Variants in PTPN1 observed in about 807,000 individuals in gnomAD.
The protein encoded by PTPN1 is protein tyrosine phosphatase non-receptor type 1.
In PTPN1, 12 loss-of-function variants were observed where a neutral mutation model predicts 59.9. The ratio of observed to expected loss-of-function variants is 0.20; its 90% CI spans 0.13 to 0.32. The LOEUF (loss-of-function observed/expected upper bound fraction) is 0.32. Among genes scored for constraint, PTPN1 ranks in the 10% least tolerant of loss-of-function variants. The pLI, the probability that PTPN1 is intolerant of heterozygous loss-of-function variation, is 1.00. For synonymous variants in PTPN1, 178 were observed against 203.6 expected (o/e 0.87, Z 1.07); for missense variants, 356 against 549.2 (o/e 0.65, Z 3.52).
At chr20:50,522,234 C>G (rs1233490736) in intron 1 of PTPN1, among the ~76,000 whole-genome samples, 1 of 152,120 alleles carries the variant, frequency 6.6e-6, no homozygotes, top group Non-Finnish European at 1.5e-5. Context: ...TTTCCCACCT[C>G]AGGCAACTGA....
chr20:50,558,992 A>G (rs2082738540), intron 1 of PTPN1, among the ~76,000 whole-genome samples: 3 of 150,008 alleles, frequency 2.0e-5, no homozygotes, highest in African/African-American at 4.9e-5. Flanking sequence ...AAGGGGGAGC[A>G]TGGATGATAA....
At chr20:50,547,622 A>T (rs2082681588) in intron 1 of PTPN1, among the ~76,000 whole-genome samples, 1 of 152,178 alleles carries the variant, frequency 6.6e-6, no homozygotes, top group South Asian at 2.1e-4. Flanking sequence ...TCGGCCTCCC[A>T]AAGTGCTGGG....
Position 50,568,420 on chromosome 20 carries a change from T to A in PTPN1, c.296T>A (p.Val99Glu). ...PNTCGHFWEM[V>E]WEQKSRGVVM... The stretch of plus-strand genomic sequence containing the variant: ...ACATGCGGTCACTTTTGGGAGATGG[T>A]GTGGGAGCAGAAAAGCAGGGGTGTC... The change falls in exon 4 of 10, where the codon GTG (valine) becomes GAG (glutamate). Residue 99 changes from valine to glutamate, a missense_variant. This residue lies in a region of PTPN1 where 194 missense variants were observed against 344.2 expected (regional missense o/e 0.56). Coordinates refer to ENST00000371621, the MANE Select transcript of PTPN1 (RefSeq NM_002827.4). The surrounding 1 kb of genome is among the most constrained non-coding windows in gnomAD (Gnocchi z 5.6). 1 of 1,614,114 alleles carries A rather than the reference T, an allele frequency of 6.2e-7. No homozygotes were observed. The highest frequency in any genetic ancestry group is 8.5e-7 in the Non-Finnish European group (1 of 1,179,984).
chr20:50,571,941 A>T (rs563752688), intron 4 of PTPN1: 1 of 152,356 alleles, frequency 6.6e-6, no homozygotes, highest in African/African-American at 2.4e-5. Flanking sequence ...TGCATTTTGT[A>T]TCACAGGGTC....
Position 50,568,194 on chromosome 20 carries a change from A to G in PTPN1, c.256-186A>G, listed in dbSNP as rs887884263. On this transcript the variant is annotated intron_variant, in intron 3 of 9. Coordinates refer to ENST00000371621, the MANE Select transcript of PTPN1 (RefSeq NM_002827.4). This position sits in a 1 kb window ranked among gnomAD's most constrained non-coding sequence, Gnocchi z 5.6. Reference sequence around the variant, plus strand: ...CGGAAATCGCCTTTCGCTGCCTGGTAGAAAATGGAGCTGCAGTTACTGACC... The same window carrying G: ...CGGAAATCGCCTTTCGCTGCCTGGTGGAAAATGGAGCTGCAGTTACTGACC... Among the ~76,000 whole-genome samples the G allele has an allele frequency of 6.6e-6, 1 of 152,248 alleles. No individual in the cohort carries two copies. Among genetic ancestry groups the G allele is most frequent in the African/African-American group, 2.4e-5 (1 of 41,458 alleles).
intron 1 of PTPN1, among the ~76,000 whole-genome samples, chr20:50,527,972 A>G (rs1297070852): frequency 1.3e-5 from 2 of 152,150 alleles, no homozygotes; most frequent in Non-Finnish European, 2.9e-5. Context: ...AGGATGTAGC[A>G]TCGGCCCTTG....
chr20:50,563,878 GA>G lies in PTPN1; in HGVS notation c.155-1082del, dbSNP rs1324102567. Among the ~76,000 whole-genome samples, 14 of 150,580 alleles carry G rather than the reference GA, an allele frequency of 9.3e-5. No individual in the cohort carries two copies. In the East Asian group the frequency reaches 2.3e-3, roughly 25 times the overall value. On this transcript the variant is annotated intron_variant, in intron 2 of 9. Transcript: ENST00000371621. ...CTTTTGTGACAAACAAATGATACAA[GA>G]AAAAAAAAGTGGCTTTTTAATTTTA...
chr20:50,530,603 C>T (rs1324955637), intron 1 of PTPN1, among the ~76,000 whole-genome samples: 1 of 151,646 alleles, frequency 6.6e-6, no homozygotes, highest in African/African-American at 2.4e-5. Context: ...GTGATCCACC[C>T]TCCTCGGCCT....
intron 2 of PTPN1, among the ~76,000 whole-genome samples, chr20:50,561,921 G>T (rs936313936): frequency 6.6e-6 from 1 of 152,012 alleles, no homozygotes. Flanking sequence ...CTCCACCCCC[G>T]CCAACCTCAT....
At position 50,574,397 on chromosome 20, in the gene PTPN1, A is replaced by G. The variant is rs1042129124; in HGVS notation, c.355-120A>G. The G allele has an allele frequency of 7.6e-6, 8 of 1,051,152 alleles. No homozygotes were observed. The South Asian group carries it at 1.1e-4, about 14-fold the overall frequency. 65.1% of individuals were successfully genotyped at this position (1,051,152 alleles called of 1,614,324 possible). A position where few individuals can be genotyped will look rare whatever the true frequency, so the allele number is the denominator to read the frequency against. On this transcript the variant is annotated intron_variant, in intron 4 of 9. Coordinates refer to ENST00000371621, the MANE Select transcript of PTPN1 (RefSeq NM_002827.4). ...GGCATCTGTGCTGACCATGGCTTCC[A>G]TGTTCAGAAACCCCCAGGCCTTTGA...
At position 50,510,447 on chromosome 20, in the gene PTPN1, G is replaced by T; in HGVS notation, c.-81G>T. The T allele has an allele frequency of 2.4e-5, 35 of 1,482,948 alleles. No individual in the cohort carries two copies. The highest frequency in any genetic ancestry group is 3.2e-5 in the Non-Finnish European group (35 of 1,095,792). 91.9% of individuals were successfully genotyped at this position (1,482,948 alleles called of 1,614,324 possible). On this transcript the variant is annotated 5_prime_UTR_variant, in exon 1 of 10. Transcript: ENST00000371621. ...GGGTCGGGGATTGCAGCGGGCCTCGGGGCTAAGAGCGCGACGCGGCCTAGA... is the reference window on the plus strand; with the variant it reads ...GGGTCGGGGATTGCAGCGGGCCTCGTGGCTAAGAGCGCGACGCGGCCTAGA...
At chr20:50,554,706 G>A (rs572927614) in intron 1 of PTPN1, among the ~76,000 whole-genome samples, 27 of 152,130 alleles carry the variant, frequency 1.8e-4, no homozygotes, top group African/African-American at 6.3e-4. Context: ...TGCTGTTGTC[G>A]TATTTTTGGT....
In PTPN1 at chr20:50,579,265, T is replaced by C; in HGVS notation, c.800T>C (p.Leu267Pro). 6.2e-7 allele frequency: 1 copy of C among 1,614,240 alleles called. No individual in the cohort carries two copies. Among genetic ancestry groups the C allele is most frequent in the Non-Finnish European group, 8.5e-7 (1 of 1,180,050 alleles). The part of the protein sequence containing the change: ...RMGLIQTADQ[L>P]RFSYLAVIEG... ...GGGCTGATCCAGACAGCCGACCAGC[T>C]GCGCTTCTCCTACCTGGCTGTGATC... The change falls in exon 7 of 10, where the codon CTG (leucine) becomes CCG (proline). Residue 267 changes from leucine (L) to proline (P), a missense_variant. This residue lies in a region of PTPN1 where 194 missense variants were observed against 344.2 expected (regional missense o/e 0.56). Transcript: ENST00000371621.
At chr20:50,579,661 G>A (rs772672833) in intron 7 of PTPN1, 42 bp from the exon 8 acceptor site, 2 of 1,555,126 alleles carry the variant, frequency 1.3e-6, no homozygotes, top group Non-Finnish European at 1.8e-6. Flanking sequence ...CAAACCAGCC[G>A]AAGTGAACAC....
At chr20:50,576,753 G>A (rs1488733967) in intron 5 of PTPN1, among the ~76,000 whole-genome samples, 1 of 151,774 alleles carries the variant, frequency 6.6e-6, no homozygotes, top group Non-Finnish European at 1.5e-5. Context: ...GCGGGCACCT[G>A]TAATCCCAGC....
intron 1 of PTPN1, among the ~76,000 whole-genome samples, chr20:50,520,699 A>T (rs575883867): frequency 1.8e-4 from 27 of 152,272 alleles, no homozygotes; most frequent in African/African-American, 6.5e-4. Context: ...CTTTAGTCTC[A>T]AGCTGCCCTG....
rs372629304 is a variant in PTPN1, at chr20:50,562,194, G to A, written c.154+741G>A. Among the ~76,000 whole-genome samples the A allele has an allele frequency of 2.1e-4, 32 of 152,322 alleles. No homozygotes were observed. The East Asian group carries it at 4.0e-3, about 19-fold the overall frequency. Reference sequence around the variant, plus strand: ...TTTAGACATTGTCAGGCAGTGAGGGGTCGTAGCTGCCAGTGTCTCCATGGT... The same window carrying A: ...TTTAGACATTGTCAGGCAGTGAGGGATCGTAGCTGCCAGTGTCTCCATGGT... On this transcript the variant is annotated intron_variant, in intron 2 of 9. Transcript: ENST00000371621.
At chr20:50,567,601 C>T (rs763361345) in intron 3 of PTPN1, among the ~76,000 whole-genome samples, 10 of 152,266 alleles carry the variant, frequency 6.6e-5, no homozygotes, top group South Asian at 2.1e-4. Context: ...TACCCTGTGT[C>T]CAGTAAACAT....
At chr20:50,566,170 G>A (rs531201073) in intron 3 of PTPN1, among the ~76,000 whole-genome samples, 2 of 152,340 alleles carry the variant, frequency 1.3e-5, no homozygotes, top group South Asian at 2.1e-4. Context: ...GTATTTAGGG[G>A]AGGCTGATGG....
Sources: allele counts gnomAD v4.1 joint callset (sites outside exome capture counted in the v4.1 genomes callset), GRCh38; gene constraint gnomAD v4.1.1; regional missense constraint gnomAD v4.1.1; non-coding constraint Gnocchi (gnomAD v3.1); transcripts MANE v1.5; gene names NCBI Gene and HGNC (gene_info 2026-07-23, HGNC 2026-07-21).